The following VAV3 variants were observed in gnomAD, a reference collection of about 807,000 sequenced individuals.
VAV3 encodes vav guanine nucleotide exchange factor 3.
Under a neutral mutation model 131.2 loss-of-function variants are expected in VAV3, and 94 were observed. That is an observed-to-expected ratio of 0.72 (90% confidence interval 0.61 to 0.85). VAV3 has a LOEUF of 0.85. VAV3 is among the 40% of genes least tolerant of loss of function. The pLI is 0.00. For synonymous variants in VAV3, 349 were observed against 342.0 expected (o/e 1.02, Z -0.22); for missense variants, 939 against 1,002.7 (o/e 0.94, Z 0.86).
chr1:107,584,739 T>C (rs2101023809), intron 25 of VAV3, among the ~76,000 whole-genome samples: 1 of 152,286 alleles, frequency 6.6e-6, no homozygotes, highest in African/African-American at 2.4e-5. Context: ...AATAAACTAC[T>C]ACTTAGTATT....
intron 1 of VAV3, among the ~76,000 whole-genome samples, chr1:107,923,147 G>T (rs1246144574): frequency 2.6e-5 from 4 of 151,886 alleles, no homozygotes. Flanking sequence ...AATCTGCTCT[G>T]TGTCATTATA....
chr1:107,726,858 T>G (rs1033953949), intron 15 of VAV3, among the ~76,000 whole-genome samples: 3 of 152,252 alleles, frequency 2.0e-5, no homozygotes, highest in African/African-American at 7.2e-5. Flanking sequence ...GTTTAAAGCA[T>G]GTCATCACCT....
At chr1:107,760,680 G>A (rs189823062) in intron 10 of VAV3, 104 bp downstream of exon 10, 25 of 805,562 alleles carry the variant, frequency 3.1e-5, no homozygotes, top group Non-Finnish European at 4.7e-5. Context: ...AATTTTAAGG[G>A]GATTGGGCCC....
intron 2 of VAV3, among the ~76,000 whole-genome samples, chr1:107,841,748 GACACTTGAAA>G (rs1668718441): frequency 6.6e-6 from 1 of 152,104 alleles, no homozygotes; most frequent in African/African-American, 2.4e-5. Context: ...CATCACTTTA[GACACTTGAAA>G]TGAGGCTAGT....
At chr1:107,935,657 T>C (rs1435618794) in intron 1 of VAV3, among the ~76,000 whole-genome samples, 1 of 152,042 alleles carries the variant, frequency 6.6e-6, no homozygotes, top group Non-Finnish European at 1.5e-5. Flanking sequence ...CACAGCAAGG[T>C]AGGCAGAGGC....
chr1:107,784,643 C>G (rs968081082), intron 2 of VAV3, among the ~76,000 whole-genome samples: 1 of 152,190 alleles, frequency 6.6e-6, no homozygotes, highest in Non-Finnish European at 1.5e-5. Context: ...GTCTTTCAAT[C>G]TGACAACGGA....
intron 1 of VAV3, among the ~76,000 whole-genome samples, chr1:107,936,073 G>T (rs1673698511): frequency 6.6e-6 from 1 of 152,180 alleles, no homozygotes; most frequent in Non-Finnish European, 1.5e-5. Flanking sequence ...CATTATTACA[G>T]TTCCTAGATT....
At chr1:107,893,446 C>G (rs1571104521) in intron 1 of VAV3, among the ~76,000 whole-genome samples, 2 of 152,048 alleles carry the variant, frequency 1.3e-5, no homozygotes, top group African/African-American at 4.8e-5. Flanking sequence ...TAAAGAAATA[C>G]CTGAGACTGG....
rs1282871576 is a variant in VAV3 at position 107,873,801 on chromosome 1, G to A, written c.321+1100C>T. On this transcript the variant is annotated intron_variant, in intron 2 of 26. Coordinates refer to ENST00000370056, the MANE Select transcript of VAV3 (RefSeq NM_006113.5). ...AGCTGGCAGGCAGCCTGATGCCTGA[G>A]AAGGCTGGTGCCTTCTAGATCACAA... Among the ~76,000 whole-genome samples the A allele has an allele frequency of 3.3e-5, 5 of 152,102 alleles. No homozygotes were observed. In the East Asian group the frequency reaches 7.7e-4, roughly 23 times the overall value.
intron 1 of VAV3, among the ~76,000 whole-genome samples, chr1:107,955,085 C>G (rs1405448849): frequency 6.6e-6 from 1 of 152,136 alleles, no homozygotes; most frequent in African/African-American, 2.4e-5. Context: ...CTATTGGGCA[C>G]TTGTTATAAG....
intron 25 of VAV3, among the ~76,000 whole-genome samples, chr1:107,574,509 T>G (rs1649480950): frequency 6.6e-6 from 1 of 152,154 alleles, no homozygotes; most frequent in Non-Finnish European, 1.5e-5. Context: ...TTAAAAAAAC[T>G]CGTTAATATC....
chr1:107,652,650 T>C (rs1004476487), intron 19 of VAV3, among the ~76,000 whole-genome samples: 3 of 152,130 alleles, frequency 2.0e-5, no homozygotes, highest in African/African-American at 7.2e-5. Flanking sequence ...TTGCCTAAAT[T>C]TGTATGATAA....
intron 2 of VAV3, among the ~76,000 whole-genome samples, chr1:107,853,933 G>A (rs912502165): frequency 5.9e-5 from 9 of 152,256 alleles, no homozygotes; most frequent in East Asian, 1.9e-4. Context: ...TGTGTATGCC[G>A]ATTAGGTTGT....
chr1:107,854,950 A>G (rs1669401964), intron 2 of VAV3, among the ~76,000 whole-genome samples: 1 of 152,222 alleles, frequency 6.6e-6, no homozygotes, highest in Non-Finnish European at 1.5e-5. Context: ...ATAGCGACCG[A>G]GCATCCATCC....
At chr1:107,710,561 A>G (rs1161931209) in intron 15 of VAV3, among the ~76,000 whole-genome samples, 1 of 152,136 alleles carries the variant, frequency 6.6e-6, no homozygotes, top group African/African-American at 2.4e-5. Context: ...ATTTTTATTT[A>G]TTATTATTAA....
At chr1:107,955,800 G>A (rs1365437197) in intron 1 of VAV3, among the ~76,000 whole-genome samples, 2 of 152,188 alleles carry the variant, frequency 1.3e-5, no homozygotes, top group African/African-American at 2.4e-5. Context: ...AAGACCATGA[G>A]CTCTTGCATA....
chr1:107,627,101 C>T (rs1316983539), intron 20 of VAV3, among the ~76,000 whole-genome samples: 1 of 152,108 alleles, frequency 6.6e-6, no homozygotes, highest in Non-Finnish European at 1.5e-5. Flanking sequence ...CTCCACTCAG[C>T]TGCACCTCCC....
chr1:107,672,696 T>G (rs1045347907), intron 19 of VAV3, among the ~76,000 whole-genome samples: 1 of 151,986 alleles, frequency 6.6e-6, no homozygotes, highest in African/African-American at 2.4e-5. Flanking sequence ...CACCAAATCT[T>G]GAATAGAAAG....
chr1:107,914,129 C>T (rs1414140807), intron 1 of VAV3, among the ~76,000 whole-genome samples: 1 of 152,068 alleles, frequency 6.6e-6, no homozygotes, highest in Non-Finnish European at 1.5e-5. Flanking sequence ...TGTTTATATA[C>T]AAACATACAG....
Sources: gnomAD v4.1 joint callset for allele counts (sites outside exome capture counted in the v4.1 genomes callset) on GRCh38, gnomAD v4.1.1 for gene constraint, MANE v1.5 for transcripts, NCBI Gene and HGNC (gene_info 2026-07-23, HGNC 2026-07-21) for gene names.